ADGRE2: variants seen among roughly 807,000 people sequenced by gnomAD.
ADGRE2 encodes the protein adhesion G protein-coupled receptor E2.
ADGRE2 carries 83 observed loss-of-function variants against 100.8 expected under a neutral mutation model. The ratio of observed to expected loss-of-function variants is 0.82; its 90% CI spans 0.69 to 0.99. The LOEUF is 0.99. ADGRE2 is among the 50% of genes least tolerant of loss of function. ADGRE2 has a pLI of 0.00. For synonymous variants in ADGRE2, 355 were observed against 413.0 expected (o/e 0.86, Z 1.70); for missense variants, 814 against 1,035.7 (o/e 0.79, Z 2.94).
chr19:14,766,654 C>G (rs1030837968), intron 6 of ADGRE2, among the ~76,000 whole-genome samples: 22 of 152,222 alleles, frequency 1.4e-4, no homozygotes, highest in Non-Finnish European at 2.9e-4. Context: ...ACTAAAATCT[C>G]TCTCCTGCTC....
intron 7 of ADGRE2, 53 bp from the exon 8 acceptor site, chr19:14,765,857 G>A (rs1437280286): frequency 6.0e-5 from 96 of 1,611,038 alleles, no homozygotes; most frequent in Non-Finnish European, 8.0e-5. Context: ...AGAGGGTCCT[G>A]TCTCCTGTCT....
chr19:14,765,592 G>T lies in ADGRE2; in HGVS notation c.782-22C>A, dbSNP rs143833895. The stretch of plus-strand genomic sequence containing the variant: ...ATATCTGTAGGGAACAAGACAAGCG[G>T]CTCATTAGGCGGGAGCGTGTCAGTG... On this transcript the variant is annotated intron_variant, in intron 8 of 20. Coordinates refer to ENST00000315576, the MANE Select transcript of ADGRE2 (RefSeq NM_013447.4). The T allele has an allele frequency of 3.4e-3, 5,463 of 1,611,022 alleles. No individual in the cohort carries two copies. The African/African-American group carries it at 0.062, about 18-fold the overall frequency.
chr19:14,767,438 A>G (rs1426752128), intron 5 of ADGRE2, among the ~76,000 whole-genome samples: 2 of 151,828 alleles, frequency 1.3e-5, no homozygotes, highest in African/African-American at 2.4e-5. Context: ...ACGGGGTTTC[A>G]CCGTGTTAGC....
At chr19:14,741,364 T>C (rs2042924361) in intron 20 of ADGRE2, 1 of 152,056 alleles carries the variant, frequency 6.6e-6, no homozygotes, top group Admixed American at 6.6e-5. Flanking sequence ...CCTGAAGTGC[T>C]AAGATTATAG....
At chr19:14,753,951 G>T (rs892062472) in intron 14 of ADGRE2, among the ~76,000 whole-genome samples, 1 of 152,220 alleles carries the variant, frequency 6.6e-6, no homozygotes, top group Non-Finnish European at 1.5e-5. Flanking sequence ...TTGATCCTGG[G>T]TGTGTCTATC....
At chr19:14,771,660 T>TTTATTTATTTC (rs2044215196) in intron 5 of ADGRE2, among the ~76,000 whole-genome samples, 1 of 28,238 alleles carries the variant, frequency 3.5e-5, no homozygotes. Flanking sequence ...TTATTTATTT[T>TTTATTTATTTC]AGATGGAGTC....
chr19:14,740,103 T>TAA (rs398120849), intron 20 of ADGRE2, among the ~76,000 whole-genome samples: 1 of 75,756 alleles, frequency 1.3e-5, no homozygotes, highest in Non-Finnish European at 3.8e-5. Flanking sequence ...AGACTCTGTC[T>TAA]AAAAAAAAAA....
In ADGRE2 at chr19:14,755,141, A is replaced by G. The variant is rs2043445772; in HGVS notation, c.1417-14T>C. ...CGGGATCACTGACTGCAGGAACAGA[A>G]CACAGGTGTGGGCTGGGCATGGTGG... On this transcript the variant is annotated splice_polypyrimidine_tract_variant and intron_variant, in intron 13 of 20. Transcript: ENST00000315576. 3.7e-6 allele frequency: 6 copies of G among 1,611,872 alleles called. No homozygotes were observed. The highest frequency in any genetic ancestry group is 5.1e-6 in the Non-Finnish European group (6 of 1,178,336).
downstream of ADGRE2, among the ~76,000 whole-genome samples, chr19:14,728,083 G>T (rs769637247): frequency 1.2e-4 from 19 of 152,160 alleles, no homozygotes; most frequent in Non-Finnish European, 2.2e-4. Context: ...TGTGGTGGTG[G>T]GCGCCTGTAG....
At chr19:14,756,451 A>G in intron 11 of ADGRE2, 106 bp from the exon 12 acceptor site, 2 of 738,868 alleles carry the variant, frequency 2.7e-6, no homozygotes, top group Non-Finnish European at 4.7e-6. Context: ...TATAGTCTGA[A>G]GTTACAAAAT....
At chr19:14,777,298 G>A (rs1167777731) in intron 1 of ADGRE2, among the ~76,000 whole-genome samples, 1 of 152,198 alleles carries the variant, frequency 6.6e-6, no homozygotes, top group African/African-American at 2.4e-5. Flanking sequence ...CAGAGCCTGC[G>A]TCCCAGCTGG....
In ADGRE2 at chr19:14,736,076, T is replaced by C; in HGVS notation, c.*160A>G. On this transcript the variant is annotated 3_prime_UTR_variant, in exon 21 of 21. Transcript: ENST00000315576. ...GGAAGATTTCCGGTTTCTGCAGGAA[T>C]TGAATGCCTAGCACGCCTTCCATAA... The C allele has an allele frequency of 3.0e-6, 2 of 674,672 alleles. No homozygotes were observed. The highest frequency in any genetic ancestry group is 5.2e-4 in the Middle Eastern group (2 of 3,834). 41.8% of individuals were successfully genotyped at this position (674,672 alleles called of 1,614,324 possible). A position where few individuals can be genotyped will look rare whatever the true frequency, so the allele number is the denominator to read the frequency against.
At chr19:14,747,701 G>C (rs752268119) in intron 16 of ADGRE2, among the ~76,000 whole-genome samples, 20 of 151,926 alleles carry the variant, frequency 1.3e-4, no homozygotes, top group Non-Finnish European at 2.5e-4. Flanking sequence ...TCAGCTACTC[G>C]GGAGGCTGAG....
intron 18 of ADGRE2, among the ~76,000 whole-genome samples, chr19:14,745,958 T>C (rs901654365): frequency 2.0e-5 from 3 of 152,238 alleles, no homozygotes; most frequent in Non-Finnish European, 4.4e-5. Context: ...TCGTATCCTA[T>C]TTTGTATATA....
Position 14,767,260 on chromosome 19 carries a change from A to T in ADGRE2, c.356-151T>A, listed in dbSNP as rs1289840151. ...TTTCTTTCTTTTTTTTTTTTTTGAG[A>T]CGGAGTCTTGCTCTGTCACCCAGGC... On this transcript the variant is annotated intron_variant, in intron 5 of 20. Transcript: ENST00000315576. 1.5e-5 allele frequency: 20 copies of T among 1,310,134 alleles called. No homozygotes were observed. In the African/African-American group the frequency reaches 3.0e-4, roughly 20 times the overall value. The allele number at this position is 1,310,134 out of a possible 1,614,324, so 81.2% of individuals were successfully genotyped here.
intron 18 of ADGRE2, among the ~76,000 whole-genome samples, 184 bp downstream of exon 18, chr19:14,746,048 G>T (rs193252050): frequency 6.6e-6 from 1 of 152,290 alleles, no homozygotes; most frequent in African/African-American, 2.4e-5. Context: ...AAAACATGTT[G>T]CATGGGGTCT....
At chr19:14,739,095 A>G (rs1274878091) in intron 20 of ADGRE2, among the ~76,000 whole-genome samples, 1 of 149,060 alleles carries the variant, frequency 6.7e-6, no homozygotes, top group Non-Finnish European at 1.5e-5. Flanking sequence ...TCAGCCTCCC[A>G]AGTAGCTGGA....
intron 11 of ADGRE2, among the ~76,000 whole-genome samples, chr19:14,757,666 A>G (rs974395649): frequency 6.4e-4 from 98 of 152,204 alleles, no homozygotes; most frequent in African/African-American, 2.3e-3. Flanking sequence ...AAAATAAGGA[A>G]GTTTTAACCC....
At chr19:14,749,586 ATTAT>A (rs1357569113) in intron 16 of ADGRE2, among the ~76,000 whole-genome samples, 1 of 139,264 alleles carries the variant, frequency 7.2e-6, no homozygotes, top group African/African-American at 2.6e-5. Flanking sequence ...TAGTTATATA[ATTAT>A]TTATAGCTAT....
Sources: allele counts gnomAD v4.1 joint callset (sites outside exome capture counted in the v4.1 genomes callset), GRCh38; gene constraint gnomAD v4.1.1; transcripts MANE v1.5; gene names NCBI Gene and HGNC (gene_info 2026-07-23, HGNC 2026-07-21).